The following HOXA6 variants were observed in gnomAD, a reference collection of about 807,000 sequenced individuals.
The protein encoded by HOXA6 is homeobox A6.
A neutral mutation model predicts 23.2 loss-of-function variants in HOXA6; 19 were observed. The observed-to-expected ratio is 0.82, with a 90% CI of 0.57 to 1.20. The LOEUF (loss-of-function observed/expected upper bound fraction) is 1.20. HOXA6 is among the 50% of genes most tolerant of loss of function. The pLI, the probability that HOXA6 is intolerant of heterozygous loss-of-function variation, is 0.00. For synonymous variants in HOXA6, 140 were observed against 132.6 expected, an observed-to-expected ratio of 1.06 and a Z score of -0.38; for missense variants, 346 against 313.6, an observed-to-expected ratio of 1.10 and a Z score of -0.78.
chr7:27,147,130 G>A (rs558853822), intron 1 of HOXA6, 178 bp downstream of exon 1: 65 of 663,828 alleles, frequency 9.8e-5, no homozygotes, highest in Non-Finnish European at 1.5e-4. Flanking sequence ...CCTCTGCCAT[G>A]GCCTGATAGC....
In HOXA6 at chr7:27,147,413, G is replaced by T. The variant is rs1177414634; in HGVS notation, c.337C>A (p.Pro113Thr). 1.2e-6 allele frequency: 2 copies of T among 1,614,230 alleles called. No homozygotes were observed. Among genetic ancestry groups the T allele is most frequent in the Non-Finnish European group, 1.7e-6 (2 of 1,180,048 alleles). The change falls in exon 1 of 2, where the codon CCC becomes ACC. Residue 113 changes from proline to threonine, a missense_variant. Pro to Thr is a conservative substitution (Grantham distance 38). Coordinates refer to ENST00000222728, the MANE Select transcript of HOXA6 (RefSeq NM_024014.4). ...TTGCCCTGCCCGCTGCTGCTGTCGG[G>T]TTTGTACTGCTGCTCGGGAGAAAAG... is the stretch of plus-strand genomic sequence containing the variant. ...LHFSPEQQYK[P>T]DSSSGQGKAL...
intron 1 of HOXA6, among the ~76,000 whole-genome samples, chr7:27,146,251 T>TTGTGTGTGTG (rs10685970): frequency 6.7e-6 from 1 of 149,012 alleles, no homozygotes; most frequent in Non-Finnish European, 1.5e-5. Flanking sequence ...GTGTGTGTGT[T>TTGTGTGTGTG]TGTGTGTGTG....
At position 27,145,452 on chromosome 7, in the gene HOXA6, GTTTTGTTTT is replaced by G. The variant is rs57597094; in HGVS notation, c.*197_*205del. 0.47 allele frequency: 264,441 copies of G among 557,424 alleles called. 63,523 individuals carry two copies. Among genetic ancestry groups the G allele is most frequent in the Middle Eastern group, 0.51 (1,104 of 2,158 alleles). The allele number at this position is 557,424 out of a possible 1,614,324, so 34.5% of individuals were successfully genotyped here. A position where few individuals can be genotyped will look rare whatever the true frequency, so the allele number is the denominator to read the frequency against. On this transcript the variant is annotated 3_prime_UTR_variant, in exon 2 of 2. Transcript: ENST00000222728. ...TGGTATTGGCTGTGTGTGAGGTTTT[GTTTTGTTTT>G]GTTTTGTTTTGTTTTGTTTTGTTTT...
intron 1 of HOXA6, 118 bp from the exon 2 acceptor site, chr7:27,146,035 T>C: frequency 8.5e-7 from 1 of 1,174,450 alleles, no homozygotes; most frequent in Non-Finnish European, 1.2e-6. Flanking sequence ...CACTCCAGCC[T>C]CTCCCACTAT....
At position 27,145,915 on chromosome 7, in the gene HOXA6, C is replaced by T. The variant is rs1782743810; in HGVS notation, c.445G>A (p.Ala149Thr). The change falls in exon 2 of 2, where the codon GCT becomes ACT. Residue 149 changes from alanine (A) to threonine (T), a missense_variant and splice_region_variant. Physicochemically the swap from Ala to Thr is moderately conservative, Grantham distance 58. Transcript: ENST00000222728. ...WMQRMNSCAG[A>T]VYGSHGRRGR... ...CGGCGCCCATGGCTCCCATACACAGCACCTACGAGCAGAAACGGCCGGGCG... is the reference window on the plus strand; with the variant it reads ...CGGCGCCCATGGCTCCCATACACAGTACCTACGAGCAGAAACGGCCGGGCG... The T allele has an allele frequency of 6.2e-7, 1 of 1,612,074 alleles. No homozygotes were observed. Among genetic ancestry groups the T allele is most frequent in the Admixed American group, 1.7e-5 (1 of 59,956 alleles).
intron 1 of HOXA6, chr7:27,147,014 C>G (rs926702045): frequency 1.0e-5 from 5 of 476,428 alleles, no homozygotes; most frequent in Non-Finnish European, 1.9e-5. Context: ...TCCCCACCAG[C>G]CTCTCTCTCT....
At position 27,145,682 on chromosome 7, in the gene HOXA6, G is replaced by C; in HGVS notation, c.678C>G (p.Asp226Glu). 1 of 1,613,986 alleles carries C rather than the reference G, an allele frequency of 6.2e-7. No individual in the cohort carries two copies. The highest frequency in any genetic ancestry group is 8.5e-7 in the Non-Finnish European group (1 of 1,179,956). ...TCTACTCGCCCGCCTTTGCCTCTGAGTCCTCCCCGCTGGGCTGCGTGGAAT... is the reference window on the plus strand; with the variant it reads ...TCTACTCGCCCGCCTTTGCCTCTGACTCCTCCCCGCTGGGCTGCGTGGAAT... Reference protein sequence around the residue: ...LINSTQPSGEDSEAKAGE With the variant: ...LINSTQPSGEESEAKAGE The change falls in exon 2 of 2, where the codon GAC becomes GAG. Residue 226 changes from aspartate (D) to glutamate (E), a missense_variant. Transcript: ENST00000222728.
In HOXA6 at chr7:27,146,304, T is replaced by C. The variant is rs556618355; in HGVS notation, c.443-387A>G. 7.2e-5 allele frequency among the ~76,000 whole-genome samples: 11 copies of C among 151,852 alleles called. No homozygotes were observed. The East Asian group carries it at 2.1e-3, about 29-fold the overall frequency. On this transcript the variant is annotated intron_variant, in intron 1 of 1. Coordinates refer to ENST00000222728, the MANE Select transcript of HOXA6 (RefSeq NM_024014.4). ...GGTGGGTGGTGTGGAACCATGTAAG[T>C]AGTGTACACACTCTGAATTCATAGT...
chr7:27,147,587 G>GT lies in HOXA6; in HGVS notation c.162dup (p.Pro55ThrfsTer28). On this transcript the variant is annotated frameshift_variant, in exon 1 of 2. Coordinates refer to ENST00000222728, the MANE Select transcript of HOXA6 (RefSeq NM_024014.4). LOFTEE classifies it high-confidence loss of function. ...GAGTTGGACTGTTGGTAGAAACAAG[G>GT]TGAGGTGTACGTCTTGTCCGGGAGA... 8 of 1,614,246 alleles carry GT rather than the reference G, an allele frequency of 5.0e-6. No homozygotes were observed. The highest frequency in any genetic ancestry group is 6.8e-6 in the Non-Finnish European group (8 of 1,180,046).
rs1429064865 is a variant in HOXA6, at chr7:27,146,014, C to T, written c.443-97G>A. The T allele has an allele frequency of 3.6e-6, 5 of 1,375,788 alleles. No homozygotes were observed. In the African/African-American group the frequency reaches 7.3e-5, roughly 20 times the overall value. 85.2% of individuals were successfully genotyped at this position (1,375,788 alleles called of 1,614,324 possible). On this transcript the variant is annotated intron_variant, in intron 1 of 1. Coordinates refer to ENST00000222728, the MANE Select transcript of HOXA6 (RefSeq NM_024014.4). The stretch of plus-strand genomic sequence containing the variant: ...CACAAGAGGCACCCAGACTAGAAAC[C>T]ACCCCGCCTCCACTCCAGCCTCTCC...
Position 27,145,668 on chromosome 7 carries a change from G to A in HOXA6, c.692C>T (p.Ala231Val). ...TCCCTGCCCAGGCATCTACTCGCCC[G>A]CCTTTGCCTCTGAGTCCTCCCCGCT... ...QPSGEDSEAK[A>V]GE The change falls in exon 2 of 2, where the codon GCG becomes GTG. Residue 231 changes from alanine to valine, a missense_variant. Ala to Val is a moderately conservative substitution (Grantham distance 64). Coordinates refer to ENST00000222728, the MANE Select transcript of HOXA6 (RefSeq NM_024014.4). 1.9e-6 allele frequency: 3 copies of A among 1,613,510 alleles called. No individual in the cohort carries two copies. Among genetic ancestry groups the A allele is most frequent in the Non-Finnish European group, 2.5e-6 (3 of 1,179,680 alleles).
chr7:27,145,893 C>T lies in HOXA6; in HGVS notation c.467G>A (p.Arg156His). The T allele has an allele frequency of 6.2e-7, 1 of 1,613,332 alleles. No homozygotes were observed. The highest frequency in any genetic ancestry group is 8.5e-7 in the Non-Finnish European group (1 of 1,179,814). The change falls in exon 2 of 2, where the codon CGC becomes CAC. Residue 156 changes from arginine (R) to histidine (H), a missense_variant. Arg to His is a conservative substitution (Grantham distance 29, BLOSUM62 0). Coordinates refer to ENST00000222728, the MANE Select transcript of HOXA6 (RefSeq NM_024014.4). Reference sequence around the variant, plus strand: ...GCGCGTGTAGGTCTGGCGGCCTCGGCGCCCATGGCTCCCATACACAGCACC... The same window carrying T: ...GCGCGTGTAGGTCTGGCGGCCTCGGTGCCCATGGCTCCCATACACAGCACC... ...CAGAVYGSHG[R>H]RGRQTYTRYQ...
Position 27,147,532 on chromosome 7 carries a change from T to C in HOXA6, c.218A>G (p.Glu73Gly), listed in dbSNP as rs758481176. Residue 73 changes from glutamate to glycine, a missense_variant, in exon 1 of 2, where the codon GAG (glutamate) becomes GGG (glycine). Transcript: ENST00000222728. ...AGAATAGAAACACGAGGCCCCGTAC[T>C]CGTAGGACGCCCGGTTGCAGGCCAG... The part of the protein sequence containing the change: ...SVLACNRASY[E>G]YGASCFYSDK... The C allele has an allele frequency of 1.9e-6, 3 of 1,614,096 alleles. No homozygotes were observed. The African/African-American group carries it at 4.0e-5, about 22-fold the overall frequency.
Position 27,145,441 on chromosome 7 carries a change from T to G in HOXA6, c.*217A>C. 4.8e-6 allele frequency: 3 copies of G among 629,036 alleles called. No individual in the cohort carries two copies. Among genetic ancestry groups the G allele is most frequent in the Non-Finnish European group, 5.3e-6 (2 of 375,320 alleles). The allele number at this position is 629,036 out of a possible 1,614,324, so 39.0% of individuals were successfully genotyped here. On this transcript the variant is annotated 3_prime_UTR_variant, in exon 2 of 2. Transcript: ENST00000222728. ...CGCTCCACCGCTGGTATTGGCTGTGTGTGAGGTTTTGTTTTGTTTTGTTTT... is the reference window on the plus strand; with the variant it reads ...CGCTCCACCGCTGGTATTGGCTGTGGGTGAGGTTTTGTTTTGTTTTGTTTT...
At chr7:27,146,794 GA>G (rs949447257) in intron 1 of HOXA6, among the ~76,000 whole-genome samples, 6 of 152,024 alleles carry the variant, frequency 3.9e-5, no homozygotes, top group Admixed American at 6.6e-5. Context: ...GGAGGAGAGA[GA>G]AAAAAATCCT....
At chr7:27,145,987 C>CTTGTGGGAGGCACTGGG in intron 1 of HOXA6, 70 bp from the exon 2 acceptor site, 1 of 1,534,326 alleles carries the variant, frequency 6.5e-7, no homozygotes, top group Non-Finnish European at 8.7e-7. Flanking sequence ...CCCAGTGCCT[C>CTTGTGGGAGGCACTGGG]CCACAAGAGG....
chr7:27,147,681 G>T lies in HOXA6; in HGVS notation c.69C>A (p.Gly23=), dbSNP rs149022222. 1.9e-6 allele frequency: 3 copies of T among 1,613,930 alleles called. No homozygotes were observed. ...SLPSGQDSFL[G]QLPLYQAGYD... The stretch of plus-strand genomic sequence containing the variant: ...AGCCAGCCTGGTAGAGGGGCAGCTG[G>T]CCCAAGAAGGAGTCCTGGCCGCTGG... Residue 23 remains glycine (G), a synonymous_variant, in exon 1 of 2, where the codon GGC becomes GGA. Transcript: ENST00000222728.
intron 1 of HOXA6, among the ~76,000 whole-genome samples, 189 bp from the exon 2 acceptor site, chr7:27,146,106 C>T (rs1175673893): frequency 6.6e-6 from 1 of 152,218 alleles, no homozygotes; most frequent in Admixed American, 6.5e-5. Flanking sequence ...ATGTTTTCCA[C>T]CTATAACGAC....
chr7:27,147,115 C>T, intron 1 of HOXA6, 193 bp downstream of exon 1: 1 of 627,930 alleles, frequency 1.6e-6, no homozygotes, highest in Admixed American at 3.0e-5. Context: ...TGGGGCCTTG[C>T]CCTTCCTCTG....
Sources: allele counts gnomAD v4.1 joint callset (sites outside exome capture counted in the v4.1 genomes callset), GRCh38; gene constraint gnomAD v4.1.1; transcripts MANE v1.5; gene names NCBI Gene and HGNC (gene_info 2026-07-23, HGNC 2026-07-21).